The following FBXL13 variants were observed in gnomAD, a reference collection of about 807,000 sequenced individuals.
FBXL13 encodes the protein F-box and leucine rich repeat protein 13.
A neutral mutation model predicts 83.6 loss-of-function variants in FBXL13; 67 were observed. The observed-to-expected ratio is 0.80, with a 90% CI of 0.66 to 0.98. The LOEUF (loss-of-function observed/expected upper bound fraction) is 0.98. Ranked by LOEUF, FBXL13 falls within the 50% of genes least tolerant of loss-of-function variation. The pLI is 0.00. For missense variants in FBXL13, 822 were observed against 866.5 expected (o/e 0.95, Z 0.64); for synonymous variants, 272 against 299.5 (o/e 0.91, Z 0.95).
chr7:102,877,669 T>G (rs1237740007), intron 15 of FBXL13, 76 bp from the exon 17 acceptor site: 1 of 1,474,374 alleles, frequency 6.8e-7, no homozygotes, highest in East Asian at 2.4e-5. Context: ...ATAAAAACTA[T>G]CTTGGGAAAA....
chr7:103,017,084 C>G (rs985232373), intron 6 of FBXL13, among the ~76,000 whole-genome samples: 1 of 152,146 alleles, frequency 6.6e-6, no homozygotes, highest in Non-Finnish European at 1.5e-5. Context: ...CCAGTAGAGG[C>G]AGACTGACAC....
chr7:102,980,754 G>T (rs950549290), intron 6 of FBXL13, among the ~76,000 whole-genome samples: 11 of 151,728 alleles, frequency 7.2e-5, no homozygotes, highest in African/African-American at 2.7e-4. Context: ...TCCAGCCTGG[G>T]CGACAGAGCG....
intron 1 of FBXL13, among the ~76,000 whole-genome samples, chr7:103,055,971 AC>A (rs1797292395): frequency 6.6e-6 from 1 of 151,860 alleles, no homozygotes; most frequent in Non-Finnish European, 1.5e-5. Context: ...TGTACACTGA[AC>A]CCAATTTGTA....
At chr7:102,963,856 C>T (rs1825670352) in intron 7 of FBXL13, among the ~76,000 whole-genome samples, 191 bp from the exon 9 acceptor site, 1 of 152,008 alleles carries the variant, frequency 6.6e-6, no homozygotes, top group South Asian at 2.1e-4. Context: ...CCAACAAAAG[C>T]CTAATATCCA....
chr7:102,924,049 G>A (rs969547019), intron 10 of FBXL13, among the ~76,000 whole-genome samples: 2 of 151,858 alleles, frequency 1.3e-5, no homozygotes, highest in African/African-American at 4.8e-5. Context: ...AGGCCAGCCC[G>A]ACCAACATAG....
intron 10 of FBXL13, among the ~76,000 whole-genome samples, chr7:102,921,037 A>G (rs958918667): frequency 1.3e-5 from 2 of 152,182 alleles, no homozygotes; most frequent in East Asian, 3.9e-4. Context: ...CTGTAATCCC[A>G]GCTACTCGGG....
chr7:102,852,336 G>A (rs552998451), intron 17 of FBXL13, among the ~76,000 whole-genome samples: 13 of 152,098 alleles, frequency 8.5e-5, no homozygotes, highest in Admixed American at 2.0e-4. Context: ...TATTCAATTT[G>A]TACTTAATTA....
intron 16 of FBXL13, among the ~76,000 whole-genome samples, chr7:102,867,695 A>ATATATATATATATATTTTT (rs1239781180): frequency 2.0e-5 from 1 of 49,078 alleles, no homozygotes; most frequent in African/African-American, 1.2e-4. Context: ...ATATATATAT[A>ATATATATATATATATTTTT]TTTTTTTTTT....
chr7:102,906,497 C>A lies in FBXL13; in HGVS notation c.1008+6589G>T, dbSNP rs77172001. On this transcript the variant is annotated intron_variant, in intron 11 of 19. Transcript: ENST00000313221. ...ATTATTTATTGCTTGCTTTTCTTTC[C>A]GATTGAAGTACTCCCTTTAGCATTT... Among the ~76,000 whole-genome samples the A allele has an allele frequency of 3.7e-3, 566 of 152,182 alleles. 5 individuals are homozygous for A. The highest frequency in any genetic ancestry group is 0.013 in the African/African-American group (559 of 41,532).
chr7:102,888,569 G>T (rs1222399583), intron 11 of FBXL13, among the ~76,000 whole-genome samples: 1 of 152,168 alleles, frequency 6.6e-6, no homozygotes, highest in African/African-American at 2.4e-5. Flanking sequence ...CCAGGTGGAA[G>T]GTAAGCACAA....
chr7:103,074,787 G>A, upstream of FBXL13: 1 of 1,288,124 alleles, frequency 7.8e-7, no homozygotes, highest in South Asian at 1.2e-5. Context: ...AGGCCTGACG[G>A]AGAAGCTGCG....
intron 2 of FBXL13, among the ~76,000 whole-genome samples, chr7:103,054,272 C>A (rs566949514): frequency 1.3e-5 from 2 of 151,908 alleles, no homozygotes; most frequent in Non-Finnish European, 2.9e-5. Flanking sequence ...CATCTGTAAT[C>A]CCAGCTACTT....
chr7:102,811,580 A>T (rs1797438836), downstream of FBXL13, among the ~76,000 whole-genome samples: 1 of 152,216 alleles, frequency 6.6e-6, no homozygotes, highest in South Asian at 2.1e-4. Context: ...GCAACCTGCT[A>T]GGTTTCTGGA....
rs752739608 is a variant in FBXL13, at chr7:102,973,774, AAG to A, written c.496-5659_496-5658del. ...TCAGTCACTGATCTCACCTACTGGTAAGTTTCCCGGGAGCCCGGTTAACAAGG... is the reference window on the plus strand; with the variant it reads ...TCAGTCACTGATCTCACCTACTGGTATTTCCCGGGAGCCCGGTTAACAAGG... On this transcript the variant is annotated intron_variant, in intron 6 of 19. Coordinates refer to ENST00000313221, the Ensembl canonical transcript of FBXL13. 2.2e-4 allele frequency: 170 copies of A among 763,480 alleles called. 1 individual carries two copies. In the African/African-American group the frequency reaches 2.6e-3, roughly 12 times the overall value. 47.3% of individuals were successfully genotyped at this position (763,480 alleles called of 1,614,324 possible).
chr7:102,843,642 C>A (rs1226359800), intron 17 of FBXL13, among the ~76,000 whole-genome samples: 1 of 151,734 alleles, frequency 6.6e-6, no homozygotes, highest in East Asian at 1.9e-4. Context: ...CAGACATGGT[C>A]GTGGGCACCT....
chr7:102,990,725 C>A (rs1197614653), intron 6 of FBXL13, among the ~76,000 whole-genome samples: 1 of 152,126 alleles, frequency 6.6e-6, no homozygotes, highest in East Asian at 1.9e-4. Context: ...TGAGCCTAAG[C>A]AGGACTGAGT....
intron 9 of FBXL13, among the ~76,000 whole-genome samples, chr7:102,928,427 G>A (rs1818535346): frequency 6.6e-6 from 1 of 152,144 alleles, no homozygotes; most frequent in Non-Finnish European, 1.5e-5. Flanking sequence ...AAAGCTCTTC[G>A]AATGAGTGTT....
Position 102,883,566 on chromosome 7 carries a change from A to G in FBXL13, c.1225+2T>C. ...CTGAACCACATTTTTAATATAACAGACCTTCAAATCGGATCTTTCTGAGTT... is the reference window on the plus strand; with the variant it reads ...CTGAACCACATTTTTAATATAACAGGCCTTCAAATCGGATCTTTCTGAGTT... On this transcript the variant is annotated splice_donor_variant, in intron 13 of 19. Coordinates refer to ENST00000313221, the Ensembl canonical transcript of FBXL13. LOFTEE classifies it high-confidence loss of function. 3.7e-6 allele frequency: 6 copies of G among 1,601,202 alleles called. No individual in the cohort carries two copies. The highest frequency in any genetic ancestry group is 5.1e-6 in the Non-Finnish European group (6 of 1,169,816).
intron 6 of FBXL13, among the ~76,000 whole-genome samples, chr7:102,999,851 T>C (rs1790207432): frequency 6.6e-6 from 1 of 152,180 alleles, no homozygotes; most frequent in Non-Finnish European, 1.5e-5. Context: ...AAACAACTTT[T>C]TATTGTGTTG....
Sources: allele counts gnomAD v4.1 joint callset (sites outside exome capture counted in the v4.1 genomes callset), GRCh38; gene constraint gnomAD v4.1.1; transcripts MANE v1.5; gene names NCBI Gene and HGNC (gene_info 2026-07-23, HGNC 2026-07-21).